DPP6: variants seen among roughly 807,000 people sequenced by gnomAD.
DPP6 encodes the protein dipeptidyl peptidase like 6.
In DPP6, 69 loss-of-function variants were observed where a neutral mutation model predicts 122.6. The observed-to-expected ratio is 0.56, with a 90% CI of 0.46 to 0.69. The LOEUF (loss-of-function observed/expected upper bound fraction) is 0.69. Ranked by LOEUF, DPP6 falls within the 30% of genes least tolerant of loss-of-function variation. DPP6 has a pLI of 0.00. For missense variants in DPP6, 928 were observed against 1,116.9 expected (o/e 0.83, Z 2.41); for synonymous variants, 418 against 433.1 (o/e 0.97, Z 0.43).
intron 3 of DPP6, among the ~76,000 whole-genome samples, chr7:154,500,364 G>A (rs1220984760): frequency 6.6e-6 from 1 of 152,158 alleles, no homozygotes; most frequent in Non-Finnish European, 1.5e-5. Context: ...CATCCCAGTT[G>A]GCACCATTTC....
chr7:153,830,315 C>T, the DPP6 span, among the ~76,000 whole-genome samples: 1 of 152,242 alleles, frequency 6.6e-6, no homozygotes, highest in Non-Finnish European at 1.5e-5. Flanking sequence ...GGTTTCAAAG[C>T]TTTGGTCATT....
chr7:154,375,356 T>C (rs1813042135), intron 1 of DPP6, among the ~76,000 whole-genome samples: 1 of 151,778 alleles, frequency 6.6e-6, no homozygotes, highest in Non-Finnish European at 1.5e-5. Context: ...GGGTAGGAAA[T>C]GGAGTGAGGC....
intron 1 of DPP6, among the ~76,000 whole-genome samples, chr7:154,313,710 T>TATATATATATATATATATATATGC (rs1807138918): frequency 1.2e-4 from 2 of 16,190 alleles, no homozygotes; most frequent in Non-Finnish European, 2.4e-4. Flanking sequence ...TATATATATA[T>TATATATATATATATATATATATGC]ATATACACAC....
the DPP6 span, among the ~76,000 whole-genome samples, chr7:153,763,738 G>T: frequency 2.2e-4 from 33 of 152,310 alleles, no homozygotes; most frequent in South Asian, 6.7e-3. Flanking sequence ...TTGAGCAGAG[G>T]TGCAAGATGG....
At chr7:153,940,328 G>A (rs958017478) in intron 1 of DPP6, among the ~76,000 whole-genome samples, 3 of 152,106 alleles carry the variant, frequency 2.0e-5, no homozygotes, top group African/African-American at 7.2e-5. Flanking sequence ...TGGCTTTGGT[G>A]GGATTGATAT....
chr7:154,062,064 G>T lies in DPP6; in HGVS notation c.243+9001G>T, dbSNP rs1485779993. ...GGCAGGGACTGACAGCCAGCCCCTGGTTCCCCCACTGGCTCTTAGGACCCC... is the reference window on the plus strand; with the variant it reads ...GGCAGGGACTGACAGCCAGCCCCTGTTTCCCCCACTGGCTCTTAGGACCCC... On this transcript the variant is annotated intron_variant, in intron 1 of 25. Transcript: ENST00000377770. 2.3e-4 allele frequency among the ~76,000 whole-genome samples: 19 copies of T among 83,930 alleles called. No homozygotes were observed. In the East Asian group the frequency reaches 5.1e-3, roughly 23 times the overall value. The allele number at this position is 83,930 out of a possible 152,430, so 55.1% of individuals were successfully genotyped here.
Position 154,755,459 on chromosome 7 carries a change from G to A in DPP6, c.884-13958G>A, listed in dbSNP as rs188842972. 4.3e-5 allele frequency among the ~76,000 whole-genome samples: 6 copies of A among 140,366 alleles called. No homozygotes were observed. The highest frequency in any genetic ancestry group is 2.0e-4 in the East Asian group (1 of 5,084). The allele number at this position is 140,366 out of a possible 152,430, so 92.1% of individuals were successfully genotyped here. A position where few individuals can be genotyped will look rare whatever the true frequency, so the allele number is the denominator to read the frequency against. On this transcript the variant is annotated intron_variant, in intron 8 of 25. Coordinates refer to ENST00000377770, the MANE Select transcript of DPP6 (RefSeq NM_130797.4). The surrounding 1 kb of genome is among the most constrained non-coding windows in gnomAD (Gnocchi z 4.7). ...CTCACTTACTAGCTGTGTGAGCTTC[G>A]GCACATTATTTAAACTTTTTTTCCC...
intron 1 of DPP6, among the ~76,000 whole-genome samples, chr7:154,441,687 G>C (rs776684160): frequency 7.9e-5 from 12 of 152,186 alleles, no homozygotes; most frequent in Non-Finnish European, 1.8e-4. Flanking sequence ...GGCTCTATCA[G>C]CTGTAGCTGG....
chr7:154,101,956 A>AG, intron 1 of DPP6, among the ~76,000 whole-genome samples: 1 of 151,234 alleles, frequency 6.6e-6, no homozygotes, highest in East Asian at 1.9e-4. Flanking sequence ...AAAAAAAAAA[A>AG]AAAGAATGTT....
intron 1 of DPP6, among the ~76,000 whole-genome samples, chr7:154,199,594 ACT>A (rs891677597): frequency 2.2e-4 from 33 of 150,970 alleles, no homozygotes; most frequent in Non-Finnish European, 2.9e-5. Context: ...TGGCATCTAT[ACT>A]CTCAGCCACT....
intron 2 of DPP6, among the ~76,000 whole-genome samples, chr7:154,465,612 A>G (rs764786093): frequency 2.6e-5 from 4 of 152,272 alleles, no homozygotes; most frequent in Non-Finnish European, 4.4e-5. Flanking sequence ...AAAAAAGTTC[A>G]TCATCACAGG....
the DPP6 span, among the ~76,000 whole-genome samples, chr7:153,852,038 G>T: frequency 1.1e-4 from 17 of 152,136 alleles, 1 homozygote; most frequent in Admixed American, 9.8e-4. Flanking sequence ...ACTCTGCTTT[G>T]TTCTTTGATT....
intron 1 of DPP6, among the ~76,000 whole-genome samples, chr7:154,061,266 C>T (rs1226586896): frequency 6.7e-6 from 1 of 149,450 alleles, no homozygotes; most frequent in East Asian, 1.9e-4. Context: ...ATCCCAACAA[C>T]AGCAAGTTTT....
rs528917695 is a variant in DPP6 at position 154,063,243 on chromosome 7, C to T, written c.243+10180C>T. Among the ~76,000 whole-genome samples, 2 of 135,490 alleles carry T rather than the reference C, an allele frequency of 1.5e-5. 1 individual carries two copies. The highest frequency in any genetic ancestry group is 5.4e-4 in the South Asian group (2 of 3,736). 88.9% of individuals were successfully genotyped at this position (135,490 alleles called of 152,430 possible). A position where few individuals can be genotyped will look rare whatever the true frequency, so the allele number is the denominator to read the frequency against. On this transcript the variant is annotated intron_variant, in intron 1 of 25. Coordinates refer to ENST00000377770, the MANE Select transcript of DPP6 (RefSeq NM_130797.4). ...CGAGGCAGGGACTGAGAGCCAGCCC[C>T]TATTCCCCCACTGGCTCTTAGGACC...
At chr7:154,612,933 C>T (rs1013802420) in intron 5 of DPP6, among the ~76,000 whole-genome samples, 6 of 152,166 alleles carry the variant, frequency 3.9e-5, no homozygotes, top group Admixed American at 2.6e-4. Context: ...TTTCACAGTT[C>T]AGGGGAAAGT....
At chr7:154,633,424 T>G (rs1025897904) in intron 5 of DPP6, among the ~76,000 whole-genome samples, 1 of 152,058 alleles carries the variant, frequency 6.6e-6, no homozygotes, top group Non-Finnish European at 1.5e-5. Flanking sequence ...TTTGTAGAGA[T>G]GGAGTTTCAC....
intron 2 of DPP6, among the ~76,000 whole-genome samples, chr7:154,454,660 G>C (rs1820672084): frequency 6.6e-6 from 1 of 152,100 alleles, no homozygotes; most frequent in Admixed American, 6.5e-5. Flanking sequence ...GGAGAGCCTG[G>C]AGCGCACAGG....
chr7:154,733,942 G>A (rs972151906), intron 8 of DPP6, among the ~76,000 whole-genome samples: 1 of 152,204 alleles, frequency 6.6e-6, no homozygotes, highest in African/African-American at 2.4e-5. Flanking sequence ...CACTTTGTGT[G>A]CCTTGTGTCA....
intron 10 of DPP6, among the ~76,000 whole-genome samples, chr7:154,777,896 A>C (rs574874817): frequency 2.6e-5 from 4 of 151,990 alleles, no homozygotes; most frequent in Non-Finnish European, 4.4e-5. Flanking sequence ...TCTCACTTTC[A>C]TTTTCTTTTG....
Sources: allele counts gnomAD v4.1 joint callset (sites outside exome capture counted in the v4.1 genomes callset), GRCh38; gene constraint gnomAD v4.1.1; non-coding constraint Gnocchi (gnomAD v3.1); transcripts MANE v1.5; gene names NCBI Gene and HGNC (gene_info 2026-07-23, HGNC 2026-07-21).